CIRSR: variants seen among roughly 807,000 people sequenced by gnomAD.
CIRSR encodes the protein CBF1 (RBPJ) interacting corepressor 1.
At chr2:174,348,214 G>A in the CIRSR span, 226 of 306,716 alleles carry the variant, frequency 7.4e-4, no homozygotes, top group Middle Eastern at 0.01. Context: ...AGTTATATGC[G>A]GTTTTTATCT....
the CIRSR span, among the ~76,000 whole-genome samples, chr2:174,386,510 T>C: frequency 2.0e-5 from 3 of 152,324 alleles, no homozygotes; most frequent in East Asian, 3.9e-4. Context: ...AGTGATGCTA[T>C]TGACATTTTG....
the CIRSR span, among the ~76,000 whole-genome samples, chr2:174,383,070 G>A: frequency 6.6e-6 from 1 of 152,136 alleles, no homozygotes; most frequent in Non-Finnish European, 1.5e-5. Context: ...CAATAAAAGG[G>A]ACTGAAGTAC....
At chr2:174,389,004 G>GT in the CIRSR span, among the ~76,000 whole-genome samples, 116 of 152,208 alleles carry the variant, frequency 7.6e-4, no homozygotes, top group Non-Finnish European at 9.6e-4. Context: ...TGCCATGATT[G>GT]TAAGTTTCCT....
chr2:174,348,719 G>A, the CIRSR span: 5 of 1,614,008 alleles, frequency 3.1e-6, no homozygotes, highest in African/African-American at 2.7e-5. Context: ...GGCTTCTGCT[G>A]CTCCCCTCCT....
chr2:174,363,780 C>T, the CIRSR span, among the ~76,000 whole-genome samples: 1 of 152,112 alleles, frequency 6.6e-6, no homozygotes, highest in Non-Finnish European at 1.5e-5. Flanking sequence ...ATCGCTGTCA[C>T]AAGAACAGCA....
the CIRSR span, among the ~76,000 whole-genome samples, chr2:174,375,167 A>T: frequency 1.2e-4 from 18 of 152,210 alleles, no homozygotes; most frequent in Non-Finnish European, 2.4e-4. Context: ...AAATCTTTGA[A>T]AATCTGCCTT....
the CIRSR span, among the ~76,000 whole-genome samples, chr2:174,393,190 G>C: frequency 6.6e-6 from 1 of 152,126 alleles, no homozygotes; most frequent in Admixed American, 6.5e-5. Flanking sequence ...TTTATGAACT[G>C]TTTGCCAGTC....
At chr2:174,383,674 C>G in the CIRSR span, among the ~76,000 whole-genome samples, 1 of 144,336 alleles carries the variant, frequency 6.9e-6, no homozygotes, top group African/African-American at 2.6e-5. Flanking sequence ...GAGCCGAGAT[C>G]GCACCACTGC....
At chr2:174,353,758 G>A in the CIRSR span, among the ~76,000 whole-genome samples, 2 of 152,104 alleles carry the variant, frequency 1.3e-5, no homozygotes, top group Non-Finnish European at 2.9e-5. Flanking sequence ...GAGCCACCGC[G>A]CCCGGCTCAA....
At chr2:174,348,554 T>C in the CIRSR span, 2 of 1,614,190 alleles carry the variant, frequency 1.2e-6, no homozygotes, top group Non-Finnish European at 1.7e-6. Flanking sequence ...TGTACATTTT[T>C]TCTCCTCTAT....
At chr2:174,392,157 C>T in the CIRSR span, among the ~76,000 whole-genome samples, 2 of 152,130 alleles carry the variant, frequency 1.3e-5, no homozygotes, top group Non-Finnish European at 2.9e-5. Flanking sequence ...GCCACCACAC[C>T]CAGCTAATTT....
chr2:174,369,380 C>G, the CIRSR span, among the ~76,000 whole-genome samples: 2 of 152,218 alleles, frequency 1.3e-5, no homozygotes, highest in Non-Finnish European at 2.9e-5. Context: ...ATGGTTTGAA[C>G]TTCTATCCAG....
chr2:174,354,632 ATATATAT>A, the CIRSR span, among the ~76,000 whole-genome samples: 3 of 82,126 alleles, frequency 3.7e-5, no homozygotes, highest in Non-Finnish European at 6.7e-5. Flanking sequence ...ATATTATATA[ATATATAT>A]TATATATTTT....
the CIRSR span, among the ~76,000 whole-genome samples, chr2:174,369,170 G>A: frequency 3.3e-5 from 5 of 152,304 alleles, no homozygotes; most frequent in East Asian, 9.7e-4. Flanking sequence ...TATATTTTCT[G>A]GAGAACTTGC....
At chr2:174,382,703 A>C in the CIRSR span, among the ~76,000 whole-genome samples, 1 of 152,182 alleles carries the variant, frequency 6.6e-6, no homozygotes, top group South Asian at 2.1e-4. Flanking sequence ...TGTCTGGTGC[A>C]TGACAAAAAT....
the CIRSR span, among the ~76,000 whole-genome samples, chr2:174,393,702 A>C: frequency 6.6e-6 from 1 of 151,950 alleles, no homozygotes; most frequent in African/African-American, 2.4e-5. Context: ...AAAAAAAAAA[A>C]AAACTTTACT....
chr2:174,369,230 G>A, the CIRSR span, among the ~76,000 whole-genome samples: 26 of 152,324 alleles, frequency 1.7e-4, no homozygotes, highest in African/African-American at 6.3e-4. Flanking sequence ...TTTTGTTAGG[G>A]TTGTGGCTTC....
At chr2:174,380,653 T>C in the CIRSR span, 1 of 1,611,488 alleles carries the variant, frequency 6.2e-7, no homozygotes, top group African/African-American at 1.3e-5. Context: ...GTCCTTACTT[T>C]TCTCGTGGGG....
chr2:174,367,308 G>A, the CIRSR span, among the ~76,000 whole-genome samples: 15 of 152,096 alleles, frequency 9.9e-5, no homozygotes, highest in Non-Finnish European at 1.8e-4. Flanking sequence ...CATTGGGCGC[G>A]GTGGCTAACG....
Sources: allele counts gnomAD v4.1 joint callset (sites outside exome capture counted in the v4.1 genomes callset), GRCh38; gene constraint gnomAD v4.1.1; transcripts MANE v1.5; gene names NCBI Gene and HGNC (gene_info 2026-07-23, HGNC 2026-07-21).